ENTREP2: variants seen among roughly 807,000 people sequenced by gnomAD.
The protein encoded by ENTREP2 is endosomal transmembrane epsin interactor 2, also known as protein ENTREP2.
At chr15:29,346,247 A>G in the ENTREP2 span, among the ~76,000 whole-genome samples, 1 of 152,220 alleles carries the variant, frequency 6.6e-6, no homozygotes, top group African/African-American at 2.4e-5. Context: ...AAGCCAGGGA[A>G]GCAGAGCATG....
the ENTREP2 span, among the ~76,000 whole-genome samples, chr15:29,346,110 C>A: frequency 6.6e-6 from 1 of 152,164 alleles, no homozygotes; most frequent in Non-Finnish European, 1.5e-5. Flanking sequence ...CACTCAAAGG[C>A]AGAAGCTGCG....
At chr15:29,382,940 A>G in the ENTREP2 span, among the ~76,000 whole-genome samples, 1 of 152,108 alleles carries the variant, frequency 6.6e-6, no homozygotes, top group Non-Finnish European at 1.5e-5. Flanking sequence ...CTCGGTCCCC[A>G]TCACCCGGCT....
At chr15:29,413,218 T>G in the ENTREP2 span, among the ~76,000 whole-genome samples, 1 of 152,158 alleles carries the variant, frequency 6.6e-6, no homozygotes, top group African/African-American at 2.4e-5. Context: ...ATAGTCCCTG[T>G]TTACATGAGA....
At chr15:29,145,602 G>C in the ENTREP2 span, among the ~76,000 whole-genome samples, 1 of 113,114 alleles carries the variant, frequency 8.8e-6, no homozygotes, top group African/African-American at 3.5e-5. Context: ...CAGCCTGGGC[G>C]ACAGAGCGAG....
At chr15:29,481,374 C>T in the ENTREP2 span, among the ~76,000 whole-genome samples, 1 of 152,134 alleles carries the variant, frequency 6.6e-6, no homozygotes, top group East Asian at 1.9e-4. Context: ...ATGGGCCACA[C>T]TCAGAGTAGT....
the ENTREP2 span, among the ~76,000 whole-genome samples, chr15:29,456,740 C>G: frequency 2.0e-5 from 3 of 152,236 alleles, no homozygotes; most frequent in South Asian, 6.2e-4. Context: ...TTAGAAGCCC[C>G]ACAGGTCAAT....
the ENTREP2 span, among the ~76,000 whole-genome samples, chr15:29,235,336 T>C: frequency 6.6e-6 from 1 of 152,242 alleles, no homozygotes; most frequent in African/African-American, 2.4e-5. Flanking sequence ...TTTTACCTTT[T>C]TTTGCTGTAA....
At chr15:29,314,861 G>C in the ENTREP2 span, among the ~76,000 whole-genome samples, 1 of 152,090 alleles carries the variant, frequency 6.6e-6, no homozygotes, top group Non-Finnish European at 1.5e-5. Flanking sequence ...AGACGATCCT[G>C]GGCAACATGG....
chr15:29,275,001 TTC>T, the ENTREP2 span, among the ~76,000 whole-genome samples: 1 of 152,252 alleles, frequency 6.6e-6, no homozygotes, highest in African/African-American at 2.4e-5. Context: ...TGAGTAATGT[TTC>T]TTTCCTCTTG....
At chr15:29,366,004 T>G in the ENTREP2 span, among the ~76,000 whole-genome samples, 11 of 152,332 alleles carry the variant, frequency 7.2e-5, no homozygotes, top group East Asian at 2.1e-3. Context: ...GACTGTTAGA[T>G]GACTTCCGTT....
chr15:29,286,384 T>C, the ENTREP2 span, among the ~76,000 whole-genome samples: 1 of 152,102 alleles, frequency 6.6e-6, no homozygotes, highest in African/African-American at 2.4e-5. Flanking sequence ...AATAACAAAA[T>C]AGAATGAAAA....
At chr15:29,332,762 T>G in the ENTREP2 span, among the ~76,000 whole-genome samples, 1 of 151,984 alleles carries the variant, frequency 6.6e-6, no homozygotes, top group South Asian at 2.1e-4. Context: ...AAGTTCAAGA[T>G]GAGCCTGACC....
chr15:29,668,448 A>C, the ENTREP2 span, among the ~76,000 whole-genome samples: 1 of 152,202 alleles, frequency 6.6e-6, no homozygotes, highest in African/African-American at 2.4e-5. Context: ...CCACATAGAC[A>C]CTTGTACATC....
the ENTREP2 span, among the ~76,000 whole-genome samples, chr15:29,646,681 T>C: frequency 4.6e-5 from 7 of 152,176 alleles, no homozygotes; most frequent in Non-Finnish European, 7.3e-5. Flanking sequence ...GGGAACTTAA[T>C]TATAACTGCA....
the ENTREP2 span, among the ~76,000 whole-genome samples, chr15:29,226,104 T>C: frequency 6.6e-6 from 1 of 152,222 alleles, no homozygotes; most frequent in African/African-American, 2.4e-5. Flanking sequence ...ACTGCCGTGT[T>C]CCTAGCACTC....
chr15:29,226,391 A>G, the ENTREP2 span, among the ~76,000 whole-genome samples: 1 of 152,340 alleles, frequency 6.6e-6, no homozygotes, highest in South Asian at 2.1e-4. Flanking sequence ...AAGAATGAAA[A>G]CAGAATGATG....
At chr15:29,586,760 A>G in the ENTREP2 span, among the ~76,000 whole-genome samples, 19 of 152,168 alleles carry the variant, frequency 1.2e-4, no homozygotes, top group African/African-American at 4.3e-4. Context: ...AAAAAATAAA[A>G]AAGAAGAAAA....
the ENTREP2 span, among the ~76,000 whole-genome samples, chr15:29,236,458 C>A: frequency 6.6e-6 from 1 of 151,510 alleles, no homozygotes; most frequent in Non-Finnish European, 1.5e-5. Context: ...CCAGCCTGGG[C>A]AACATAGTGA....
the ENTREP2 span, among the ~76,000 whole-genome samples, chr15:29,406,440 C>T: frequency 6.6e-6 from 1 of 151,900 alleles, no homozygotes; most frequent in African/African-American, 2.4e-5. Context: ...CTCAGCTACT[C>T]GGATGGCTGA....
Sources: allele counts gnomAD v4.1 joint callset (sites outside exome capture counted in the v4.1 genomes callset), GRCh38; gene constraint gnomAD v4.1.1; transcripts MANE v1.5; gene names NCBI Gene and HGNC (gene_info 2026-07-23, HGNC 2026-07-21).